DCC: variants seen among roughly 807,000 people sequenced by gnomAD.
DCC encodes the protein netrin receptor DCC.
DCC carries 58 observed loss-of-function variants against 172.5 expected under a neutral mutation model. The ratio of observed to expected loss-of-function variants is 0.34; its 90% CI spans 0.27 to 0.42. DCC has a LOEUF of 0.42. Among genes scored for constraint, DCC ranks in the 10% least tolerant of loss-of-function variants. DCC has a pLI of 1.00. For synonymous variants in DCC, 709 were observed against 644.5 expected, an observed-to-expected ratio of 1.10 and a Z score of -1.52; for missense variants, 1,740 against 1,791.0, an observed-to-expected ratio of 0.97 and a Z score of 0.51.
At chr18:53,251,017 C>A (rs890060346) in intron 12 of DCC, among the ~76,000 whole-genome samples, 2 of 151,900 alleles carry the variant, frequency 1.3e-5, no homozygotes, top group Non-Finnish European at 2.9e-5. Flanking sequence ...GGCTTCTTGT[C>A]CTTCTCTCCA....
At chr18:53,247,641 G>T (rs1045660858) in intron 12 of DCC, among the ~76,000 whole-genome samples, 1 of 151,942 alleles carries the variant, frequency 6.6e-6, no homozygotes, top group East Asian at 1.9e-4. Context: ...GCTATTAAAC[G>T]TATTAAATAC....
intron 2 of DCC, among the ~76,000 whole-genome samples, chr18:52,814,510 CTGA>C (rs58755464): frequency 4.2e-4 from 64 of 152,194 alleles, no homozygotes; most frequent in African/African-American, 1.4e-3. Flanking sequence ...GTATCACAAA[CTGA>C]TGATCTATGA....
chr18:53,033,825 A>G (rs2042057151), intron 5 of DCC, among the ~76,000 whole-genome samples: 1 of 151,998 alleles, frequency 6.6e-6, no homozygotes, highest in South Asian at 2.1e-4. Flanking sequence ...GTCTGTCTTC[A>G]CTTTCTTTTC....
intron 12 of DCC, among the ~76,000 whole-genome samples, chr18:53,281,318 A>C (rs947060789): frequency 6.6e-6 from 1 of 152,128 alleles, no homozygotes; most frequent in East Asian, 1.9e-4. Context: ...TTTTCTCTCT[A>C]ACTAAATTTG....
In DCC at chr18:53,471,169, T is replaced by A. The variant is rs372216402; in HGVS notation, c.3736+3159T>A. 2.0e-4 allele frequency among the ~76,000 whole-genome samples: 30 copies of A among 152,244 alleles called. No individual in the cohort carries two copies. In the East Asian group the frequency reaches 3.5e-3, roughly 18 times the overall value. On this transcript the variant is annotated intron_variant, in intron 25 of 28. Transcript: ENST00000442544. The stretch of plus-strand genomic sequence containing the variant: ...TTGAAAAACAAAAAAACTATTCGTA[T>A]TTTTTGTGGGTACATAGTAGGTATA...
At chr18:52,662,001 A>G (rs886722845) in intron 1 of DCC, among the ~76,000 whole-genome samples, 2 of 152,248 alleles carry the variant, frequency 1.3e-5, no homozygotes, top group African/African-American at 4.8e-5. Context: ...GGAAGATAAC[A>G]TTGAGGAAAT....
intron 12 of DCC, among the ~76,000 whole-genome samples, chr18:53,216,560 G>A (rs1340715354): frequency 6.6e-6 from 1 of 152,124 alleles, no homozygotes; most frequent in African/African-American, 2.4e-5. Flanking sequence ...TCATGAGAAA[G>A]TAATAGTAAA....
At chr18:52,763,928 T>C (rs2037202388) in intron 2 of DCC, among the ~76,000 whole-genome samples, 1 of 152,234 alleles carries the variant, frequency 6.6e-6, no homozygotes, top group African/African-American at 2.4e-5. Flanking sequence ...TAATATTTCA[T>C]GGTTTATGAT....
At chr18:53,251,800 C>A (rs2056438802) in intron 12 of DCC, among the ~76,000 whole-genome samples, 2 of 152,004 alleles carry the variant, frequency 1.3e-5, no homozygotes, top group African/African-American at 4.8e-5. Flanking sequence ...CCATATCCCA[C>A]CATCATTCAT....
chr18:53,524,845 A>C (rs1010827796), intron 27 of DCC, among the ~76,000 whole-genome samples: 1 of 152,174 alleles, frequency 6.6e-6, no homozygotes, highest in Admixed American at 6.6e-5. Flanking sequence ...CCGCCTGCCC[A>C]TTCCTAAATG....
rs189147565 is a variant in DCC at position 52,915,122 on chromosome 18, C to A, written c.698-8585C>A. Among the ~76,000 whole-genome samples the A allele has an allele frequency of 2.3e-3, 344 of 152,188 alleles. 1 individual carries two copies. The highest frequency in any genetic ancestry group is 8.0e-3 in the African/African-American group (331 of 41,546). On this transcript the variant is annotated intron_variant, in intron 3 of 28. Transcript: ENST00000442544. ...CTTGCCAACGCAGATGTCAACAGTC[C>A]ATAATTTAATTTCTCTGTGTCTCAG...
At chr18:53,499,102 C>A (rs532624157) in intron 26 of DCC, among the ~76,000 whole-genome samples, 196 bp from the exon 27 acceptor site, 14 of 152,228 alleles carry the variant, frequency 9.2e-5, no homozygotes, top group African/African-American at 2.9e-4. Context: ...GGATCTATTT[C>A]TATTGTTTAA....
chr18:53,108,412 T>C (rs2144242329), intron 7 of DCC, among the ~76,000 whole-genome samples: 1 of 151,982 alleles, frequency 6.6e-6, no homozygotes. Flanking sequence ...TTAGTACCAA[T>C]AGATTTTGTG....
chr18:53,362,914 A>G (rs554800524), intron 15 of DCC, among the ~76,000 whole-genome samples: 1 of 152,192 alleles, frequency 6.6e-6, no homozygotes, highest in African/African-American at 2.4e-5. Context: ...AATAATGGTA[A>G]TGAATAACAC....
At chr18:53,485,530 ACT>A (rs1333023767) in intron 25 of DCC, among the ~76,000 whole-genome samples, 1 of 152,038 alleles carries the variant, frequency 6.6e-6, no homozygotes, top group African/African-American at 2.4e-5. Flanking sequence ...TAGCAGAGTC[ACT>A]CTTCATTTTC....
At chr18:52,999,555 A>G (rs1021634445) in intron 5 of DCC, among the ~76,000 whole-genome samples, 3 of 152,068 alleles carry the variant, frequency 2.0e-5, no homozygotes, top group Non-Finnish European at 4.4e-5. Context: ...CACTGGCCTT[A>G]TATCTGACAA....
intron 1 of DCC, among the ~76,000 whole-genome samples, chr18:52,345,774 C>A (rs72914964): frequency 0.021 from 3,189 of 152,156 alleles, 38 homozygotes; most frequent in Middle Eastern, 0.048. Flanking sequence ...AATGTTCATG[C>A]ATGCTGCTTT....
intron 1 of DCC, among the ~76,000 whole-genome samples, chr18:52,684,497 T>G (rs934911345): frequency 1.4e-4 from 22 of 152,044 alleles, no homozygotes; most frequent in African/African-American, 4.6e-4. Context: ...CATCAGTCCC[T>G]TTGTGTGGTG....
rs112799806 is a variant in DCC at position 52,906,078 on chromosome 18, C to T, written c.447C>T (p.Val149=). The change falls in exon 3 of 29, where the codon GTC becomes GTT. Residue 149 remains valine, a synonymous_variant. Transcript: ENST00000442544. The stretch of plus-strand genomic sequence containing the variant: ...GGTTCCTTTCACAGACAGAATCTGT[C>T]ACAGCCTTCATGGGAGACACAGTGC... ...PLRFLSQTES[V]TAFMGDTVLL... The T allele has an allele frequency of 2.5e-6, 4 of 1,612,798 alleles. No individual in the cohort carries two copies. In the African/African-American group the frequency reaches 4.0e-5, roughly 16 times the overall value.
Sources: gnomAD v4.1 joint callset for allele counts (sites outside exome capture counted in the v4.1 genomes callset) on GRCh38, gnomAD v4.1.1 for gene constraint, MANE v1.5 for transcripts, NCBI Gene and HGNC (gene_info 2026-07-23, HGNC 2026-07-21) for gene names.